Variants in KRTAP4-2 observed in about 807,000 individuals in gnomAD.
The protein encoded by KRTAP4-2 is keratin associated protein 4-2, also known as keratin-associated protein 4-2.
For synonymous variants in KRTAP4-2, 56 were observed against 63.5 expected (o/e 0.88, Z 0.56); for missense variants, 178 against 177.3 (o/e 1.00, Z -0.02).
Position 41,177,970 on chromosome 17 carries a change from G to C in KRTAP4-2, c.195C>G (p.Cys65Trp), listed in dbSNP as rs1355763252. The change falls in exon 1 of 1, where the codon TGC becomes TGG. Residue 65 changes from cysteine to tryptophan, a missense_variant. By Grantham distance (215) the Cys-to-Trp change is radical. Coordinates refer to ENST00000377726, the MANE Select transcript of KRTAP4-2 (RefSeq NM_033062.4). ...CCQPTCCSPS[C>W]CQTTCCRTTC... ...TGGTCCTGCAGCAAGTGGTCTGGCA[G>C]CAGCTGGGGCTGCAGCAGGTGGGCT... is the stretch of plus-strand genomic sequence containing the variant. 6.2e-7 allele frequency: 1 copy of C among 1,604,262 alleles called. No homozygotes were observed. Among genetic ancestry groups the C allele is most frequent in the Non-Finnish European group, 8.5e-7 (1 of 1,173,384 alleles).
At position 41,177,473 on chromosome 17, in the gene KRTAP4-2, T is replaced by G; in HGVS notation, c.*281A>C. 1 of 512,098 alleles carries G rather than the reference T, an allele frequency of 2.0e-6. No homozygotes were observed. 31.7% of individuals were successfully genotyped at this position (512,098 alleles called of 1,614,324 possible). A position where few individuals can be genotyped will look rare whatever the true frequency, so the allele number is the denominator to read the frequency against. ...ATTTGTATGCCTCAAAAATTAAAAT[T>G]TATTTAAGATAGAGGAATAGCTCCA... On this transcript the variant is annotated 3_prime_UTR_variant, in exon 1 of 1. Coordinates refer to ENST00000377726, the MANE Select transcript of KRTAP4-2 (RefSeq NM_033062.4).
In KRTAP4-2 at chr17:41,177,973, G is replaced by T. The variant is rs1232318461; in HGVS notation, c.192C>A (p.Ser64Arg). 1 of 1,605,508 alleles carries T rather than the reference G, an allele frequency of 6.2e-7. No individual in the cohort carries two copies. The highest frequency in any genetic ancestry group is 8.5e-7 in the Non-Finnish European group (1 of 1,173,776). ...TCCTGCAGCAAGTGGTCTGGCAGCA[G>T]CTGGGGCTGCAGCAGGTGGGCTGGC... ...VCCQPTCCSP[S>R]CCQTTCCRTT... The change falls in exon 1 of 1, where the codon AGC becomes AGA. Residue 64 changes from serine to arginine, a missense_variant. Physicochemically the swap from Ser to Arg is moderately radical, Grantham distance 110. Transcript: ENST00000377726.
In KRTAP4-2 at chr17:41,177,973, G is replaced by A; in HGVS notation, c.192C>T (p.Ser64=). The A allele has an allele frequency of 6.2e-7, 1 of 1,605,508 alleles. No homozygotes were observed. The highest frequency in any genetic ancestry group is 8.5e-7 in the Non-Finnish European group (1 of 1,173,776). The change falls in exon 1 of 1, where the codon AGC becomes AGT. Residue 64 remains serine, a synonymous_variant. Transcript: ENST00000377726. ...TCCTGCAGCAAGTGGTCTGGCAGCAGCTGGGGCTGCAGCAGGTGGGCTGGC... is the reference window on the plus strand; with the variant it reads ...TCCTGCAGCAAGTGGTCTGGCAGCAACTGGGGCTGCAGCAGGTGGGCTGGC... ...VCCQPTCCSP[S]CCQTTCCRTT...
In KRTAP4-2 at chr17:41,177,672, A is replaced by G; in HGVS notation, c.*82T>C. 2 of 1,553,664 alleles carry G rather than the reference A, an allele frequency of 1.3e-6. No individual in the cohort carries two copies. Among genetic ancestry groups the G allele is most frequent in the Non-Finnish European group, 1.7e-6 (2 of 1,147,442 alleles). The stretch of plus-strand genomic sequence containing the variant: ...AATTGGTTGGAACTGAGGTTGTCCA[A>G]TTGGCCTTGCATGATTCAGTTCACA... On this transcript the variant is annotated 3_prime_UTR_variant, in exon 1 of 1. Coordinates refer to ENST00000377726, the MANE Select transcript of KRTAP4-2 (RefSeq NM_033062.4).
In KRTAP4-2 at chr17:41,178,059, A is replaced by T. The variant is rs761277240; in HGVS notation, c.106T>A (p.Cys36Ser). 2.5e-6 allele frequency: 4 copies of T among 1,613,904 alleles called. No individual in the cohort carries two copies. Among genetic ancestry groups the T allele is most frequent in the South Asian group, 2.2e-5 (2 of 91,038 alleles). ...CTGGACACACAGCAGCTGGGGCGGCAGCAGGTGGTCCTGCAGCAGGTGGTC... is the reference window on the plus strand; with the variant it reads ...CTGGACACACAGCAGCTGGGGCGGCTGCAGGTGGTCCTGCAGCAGGTGGTC... ...CQTTCCRTTCCRPSCCVSSCC... is the reference protein window; with the variant it reads ...CQTTCCRTTCSRPSCCVSSCC... Residue 36 changes from cysteine (C) to serine (S), a missense_variant, in exon 1 of 1, where the codon TGC (cysteine) becomes AGC (serine). Physicochemically the swap from Cys to Ser is moderately radical, Grantham distance 112. Coordinates refer to ENST00000377726, the MANE Select transcript of KRTAP4-2 (RefSeq NM_033062.4).
rs1298646999 is a variant in KRTAP4-2, at chr17:41,177,608, T to C, written c.*146A>G. On this transcript the variant is annotated 3_prime_UTR_variant, in exon 1 of 1. Transcript: ENST00000377726. The stretch of plus-strand genomic sequence containing the variant: ...CATTTGGTAGAGGGTAGCAACATAG[T>C]GTTTGGTGAGCATATTTGGAGGCCA... The C allele has an allele frequency of 1.6e-6, 2 of 1,249,268 alleles. No individual in the cohort carries two copies. The highest frequency in any genetic ancestry group is 2.2e-6 in the Non-Finnish European group (2 of 891,088). The allele number at this position is 1,249,268 out of a possible 1,614,324, so 77.4% of individuals were successfully genotyped here.
rs1598016560 is a variant in KRTAP4-2 at position 41,177,680 on chromosome 17, T to C, written c.*74A>G. On this transcript the variant is annotated 3_prime_UTR_variant, in exon 1 of 1. Coordinates refer to ENST00000377726, the MANE Select transcript of KRTAP4-2 (RefSeq NM_033062.4). Reference sequence around the variant, plus strand: ...GGAACTGAGGTTGTCCAATTGGCCTTGCATGATTCAGTTCACAGGTGGATC... The same window carrying C: ...GGAACTGAGGTTGTCCAATTGGCCTCGCATGATTCAGTTCACAGGTGGATC... 1 of 1,561,864 alleles carries C rather than the reference T, an allele frequency of 6.4e-7. No homozygotes were observed. The highest frequency in any genetic ancestry group is 2.3e-5 in the East Asian group (1 of 44,440).
Position 41,178,137 on chromosome 17 carries a change from A to C in KRTAP4-2, c.28T>G (p.Cys10Gly), listed in dbSNP as rs568713195. The C allele has an allele frequency of 5.0e-6, 8 of 1,613,416 alleles. No homozygotes were observed. Among genetic ancestry groups the C allele is most frequent in the Middle Eastern group, 3.3e-4 (2 of 6,078 alleles). MVNSCCGSVCSDQGCGLENC... is the reference protein window; with the variant it reads MVNSCCGSVGSDQGCGLENC... ...TCTAGGCCACAGCCCTGGTCAGAGC[A>C]CACAGAGCCACAACAGGAGTTGACC... Residue 10 changes from cysteine to glycine, a missense_variant, in exon 1 of 1, where the codon TGC (cysteine) becomes GGC (glycine). Coordinates refer to ENST00000377726, the MANE Select transcript of KRTAP4-2 (RefSeq NM_033062.4).
chr17:41,177,739 G>A lies in KRTAP4-2; in HGVS notation c.*15C>T, dbSNP rs1338942112. 1 of 1,610,848 alleles carries A rather than the reference G, an allele frequency of 6.2e-7. No individual in the cohort carries two copies. The highest frequency in any genetic ancestry group is 1.3e-5 in the African/African-American group (1 of 74,930). ...AATGCTGGTTAATAAAGGCAGGTGA[G>A]TATAGGTGAGGGCATCAGCAGCAAG... On this transcript the variant is annotated 3_prime_UTR_variant, in exon 1 of 1. Transcript: ENST00000377726.
In KRTAP4-2 at chr17:41,178,019, T is replaced by C. The variant is rs1478217397; in HGVS notation, c.146A>G (p.Gln49Arg). ...SCCVSSCCRP[Q>R]CCQSVCCQPT... ...CTGGCAGCACACAGACTGGCAGCAC[T>C]GCGGTCTGCAGCAGCTGGACACACA... Residue 49 changes from glutamine to arginine, a missense_variant, in exon 1 of 1, where the codon CAG (glutamine) becomes CGG (arginine). By Grantham distance (43) the Gln-to-Arg change is conservative. Coordinates refer to ENST00000377726, the MANE Select transcript of KRTAP4-2 (RefSeq NM_033062.4). The C allele has an allele frequency of 1.9e-6, 3 of 1,588,660 alleles. No individual in the cohort carries two copies. Among genetic ancestry groups the C allele is most frequent in the Non-Finnish European group, 2.6e-6 (3 of 1,168,740 alleles).
rs2015166886 is a variant in KRTAP4-2 at position 41,177,844 on chromosome 17, C to T, written c.321G>A (p.Gln107=). 1 of 1,584,044 alleles carries T rather than the reference C, an allele frequency of 6.3e-7. No homozygotes were observed. Among genetic ancestry groups the T allele is most frequent in the South Asian group, 1.1e-5 (1 of 88,580 alleles). Residue 107 remains glutamine, a synonymous_variant, in exon 1 of 1, where the codon CAG becomes CAA. Transcript: ENST00000377726. ...QPTCCRPSCG[Q]TTCCRTTCYR... ...AGCAGGTGGTCCTGCAGCAGGTGGT[C>T]TGGCCACAGCTGGGGCGGCAGCAGG...
In KRTAP4-2 at chr17:41,178,201, G is replaced by A; in HGVS notation, c.-37C>T. On this transcript the variant is annotated 5_prime_UTR_variant, in exon 1 of 1. Coordinates refer to ENST00000377726, the MANE Select transcript of KRTAP4-2 (RefSeq NM_033062.4). ...GTGGAGGTTCTGGGTGGATTTCCAG[G>A]AAGGTGGGTTTGGAAGGTTTGGAAG... 6.3e-7 allele frequency: 1 copy of A among 1,589,614 alleles called. No individual in the cohort carries two copies. Among genetic ancestry groups the A allele is most frequent in the Non-Finnish European group, 8.6e-7 (1 of 1,165,930 alleles).
At position 41,177,613 on chromosome 17, in the gene KRTAP4-2, G is replaced by A; in HGVS notation, c.*141C>T. ...GGTAGAGGGTAGCAACATAGTGTTT[G>A]GTGAGCATATTTGGAGGCCAAACTC... On this transcript the variant is annotated 3_prime_UTR_variant, in exon 1 of 1. Transcript: ENST00000377726. 2 of 1,303,054 alleles carry A rather than the reference G, an allele frequency of 1.5e-6. No homozygotes were observed. The highest frequency in any genetic ancestry group is 1.1e-6 in the Non-Finnish European group (1 of 938,166). The allele number at this position is 1,303,054 out of a possible 1,614,324, so 80.7% of individuals were successfully genotyped here.
rs771642158 is a variant in KRTAP4-2 at position 41,178,193 on chromosome 17, A to G, written c.-29T>C. Reference sequence around the variant, plus strand: ...GTCAGAGGGTGGAGGTTCTGGGTGGATTTCCAGGAAGGTGGGTTTGGAAGG... The same window carrying G: ...GTCAGAGGGTGGAGGTTCTGGGTGGGTTTCCAGGAAGGTGGGTTTGGAAGG... On this transcript the variant is annotated 5_prime_UTR_variant, in exon 1 of 1. Transcript: ENST00000377726. 6.9e-6 allele frequency: 11 copies of G among 1,592,456 alleles called. No individual in the cohort carries two copies. In the African/African-American group the frequency reaches 9.4e-5, roughly 14 times the overall value.
Position 41,177,726 on chromosome 17 carries a change from T to C in KRTAP4-2, c.*28A>G, listed in dbSNP as rs746971982. 7 of 1,603,272 alleles carry C rather than the reference T, an allele frequency of 4.4e-6. No homozygotes were observed. In the African/African-American group the frequency reaches 5.3e-5, roughly 12 times the overall value. ...GGATCATATCAAGAATGCTGGTTAATAAAGGCAGGTGAGTATAGGTGAGGG... is the reference window on the plus strand; with the variant it reads ...GGATCATATCAAGAATGCTGGTTAACAAAGGCAGGTGAGTATAGGTGAGGG... On this transcript the variant is annotated 3_prime_UTR_variant, in exon 1 of 1. Transcript: ENST00000377726.
Position 41,178,188 on chromosome 17 carries a change from G to A in KRTAP4-2, c.-24C>T. The A allele has an allele frequency of 6.3e-7, 1 of 1,595,888 alleles. No homozygotes were observed. Among genetic ancestry groups the A allele is most frequent in the African/African-American group, 1.3e-5 (1 of 74,736 alleles). Reference sequence around the variant, plus strand: ...ATGGTGTCAGAGGGTGGAGGTTCTGGGTGGATTTCCAGGAAGGTGGGTTTG... The same window carrying A: ...ATGGTGTCAGAGGGTGGAGGTTCTGAGTGGATTTCCAGGAAGGTGGGTTTG... On this transcript the variant is annotated 5_prime_UTR_variant, in exon 1 of 1. Transcript: ENST00000377726.
Position 41,178,067 on chromosome 17 carries a change from G to A in KRTAP4-2, c.98C>T (p.Thr33Ile), listed in dbSNP as rs1568017897. ...ACAGCAGCTGGGGCGGCAGCAGGTG[G>A]TCCTGCAGCAGGTGGTCTGGCAGCA... ...PSCCQTTCCRTTCCRPSCCVS... is the reference protein window; with the variant it reads ...PSCCQTTCCRITCCRPSCCVS... The change falls in exon 1 of 1, where the codon ACC becomes ATC. Residue 33 changes from threonine to isoleucine, a missense_variant. Physicochemically the swap from Thr to Ile is moderately conservative, Grantham distance 89 (BLOSUM62 -1). Transcript: ENST00000377726. 1.2e-6 allele frequency: 2 copies of A among 1,613,808 alleles called. No individual in the cohort carries two copies. Among genetic ancestry groups the A allele is most frequent in the Non-Finnish European group, 8.5e-7 (1 of 1,179,942 alleles).
Position 41,178,181 on chromosome 17 carries a change from G to A in KRTAP4-2, c.-17C>T, listed in dbSNP as rs780215817. 1.9e-6 allele frequency: 3 copies of A among 1,598,364 alleles called. No individual in the cohort carries two copies. The Admixed American group carries it at 5.1e-5, about 27-fold the overall frequency. On this transcript the variant is annotated 5_prime_UTR_variant, in exon 1 of 1. Coordinates refer to ENST00000377726, the MANE Select transcript of KRTAP4-2 (RefSeq NM_033062.4). Reference sequence around the variant, plus strand: ...GTTGACCATGGTGTCAGAGGGTGGAGGTTCTGGGTGGATTTCCAGGAAGGT... The same window carrying A: ...GTTGACCATGGTGTCAGAGGGTGGAAGTTCTGGGTGGATTTCCAGGAAGGT...
At position 41,177,474 on chromosome 17, in the gene KRTAP4-2, T is replaced by C; in HGVS notation, c.*280A>G. Reference sequence around the variant, plus strand: ...TTTGTATGCCTCAAAAATTAAAATTTATTTAAGATAGAGGAATAGCTCCAT... The same window carrying C: ...TTTGTATGCCTCAAAAATTAAAATTCATTTAAGATAGAGGAATAGCTCCAT... On this transcript the variant is annotated 3_prime_UTR_variant, in exon 1 of 1. Coordinates refer to ENST00000377726, the MANE Select transcript of KRTAP4-2 (RefSeq NM_033062.4). 1.9e-6 allele frequency: 1 copy of C among 513,876 alleles called. No individual in the cohort carries two copies. Among genetic ancestry groups the C allele is most frequent in the South Asian group, 4.1e-5 (1 of 24,562 alleles). 31.8% of individuals were successfully genotyped at this position (513,876 alleles called of 1,614,324 possible).
Sources: gnomAD v4.1 joint callset for allele counts on GRCh38, gnomAD v4.1.1 for gene constraint, MANE v1.5 for transcripts, NCBI Gene and HGNC (gene_info 2026-07-23, HGNC 2026-07-21) for gene names.